POC1A: variants seen among roughly 807,000 people sequenced by gnomAD.
POC1A encodes the protein POC1 centriolar protein homolog A.
POC1A carries 34 observed loss-of-function variants against 47.8 expected under a neutral mutation model. The observed-to-expected ratio is 0.71, with a 90% CI of 0.54 to 0.95. The LOEUF is 0.95. POC1A is among the 40% of genes least tolerant of loss of function. The probability of loss-of-function intolerance (pLI) is 0.00; values close to 1 mark genes in which losing one functional copy is unlikely to be tolerated. For missense variants in POC1A, 466 were observed against 528.3 expected, an observed-to-expected ratio of 0.88 and a Z score of 1.16; for synonymous variants, 177 against 207.6, an observed-to-expected ratio of 0.85 and a Z score of 1.27.
At chr3:52,136,605 G>T (rs1392117841) in intron 7 of POC1A, among the ~76,000 whole-genome samples, 2 of 152,186 alleles carry the variant, frequency 1.3e-5, no homozygotes, top group African/African-American at 4.8e-5. Context: ...GGCATTGTGA[G>T]CCTGGTGCCC....
rs940696734 is a variant in POC1A, at chr3:52,079,353, C to A, written c.1126-3368G>T. ...TGCTCCGTCCAGCCCGGGAATTATC[C>A]TGCTACCAGCGCCTGTCCTCACCAG... On this transcript the variant is annotated intron_variant, in intron 10 of 10. Transcript: ENST00000296484. This position sits in a 1 kb window ranked among gnomAD's most constrained non-coding sequence, Gnocchi z 4.6. 5.9e-5 allele frequency among the ~76,000 whole-genome samples: 9 copies of A among 152,238 alleles called. No homozygotes were observed. The highest frequency in any genetic ancestry group is 1.3e-4 in the Non-Finnish European group (9 of 68,042).
chr3:52,102,053 T>C (rs1326279395), intron 9 of POC1A, among the ~76,000 whole-genome samples: 2 of 152,238 alleles, frequency 1.3e-5, no homozygotes, highest in Non-Finnish European at 2.9e-5. Context: ...GATTTCTTTC[T>C]TAATCCTTGG....
chr3:52,104,570 C>T (rs1477046747), intron 9 of POC1A, among the ~76,000 whole-genome samples: 3 of 152,244 alleles, frequency 2.0e-5, no homozygotes, highest in Non-Finnish European at 4.4e-5. Context: ...TTGACACCGT[C>T]CATCACTGCC....
chr3:52,154,095 G>A (rs560160780), intron 1 of POC1A, among the ~76,000 whole-genome samples: 54 of 152,394 alleles, frequency 3.5e-4, no homozygotes, highest in Middle Eastern at 3.4e-3. Flanking sequence ...TTGGTCGTGT[G>A]TCCCTCGCTA....
At chr3:52,094,345 C>A (rs1702737322) in intron 10 of POC1A, among the ~76,000 whole-genome samples, 1 of 152,206 alleles carries the variant, frequency 6.6e-6, no homozygotes, top group Non-Finnish European at 1.5e-5. Flanking sequence ...CACTAAGCTT[C>A]AGGGGAGGGC....
chr3:52,141,954 C>G (rs1698207874), intron 6 of POC1A, among the ~76,000 whole-genome samples: 1 of 152,218 alleles, frequency 6.6e-6, no homozygotes, highest in African/African-American at 2.4e-5. Context: ...GCCCTGCTGA[C>G]AGCCAGCCAA....
chr3:52,142,427 G>T (rs1048765265), intron 6 of POC1A, among the ~76,000 whole-genome samples: 1 of 152,194 alleles, frequency 6.6e-6, no homozygotes, highest in African/African-American at 2.4e-5. Flanking sequence ...GTCAGCCAGC[G>T]CAAGACAAAT....
At chr3:52,150,712 C>G (rs1698528316) in intron 2 of POC1A, among the ~76,000 whole-genome samples, 1 of 152,136 alleles carries the variant, frequency 6.6e-6, no homozygotes, top group Non-Finnish European at 1.5e-5. Context: ...TTAGGGCCCA[C>G]ACCAAAAGAC....
chr3:52,075,861 C>A lies in POC1A; in HGVS notation c.*26G>T, dbSNP rs779481860. On this transcript the variant is annotated 3_prime_UTR_variant, in exon 11 of 11. Transcript: ENST00000296484. Reference sequence around the variant, plus strand: ...CCTGGCCTGCCACCTGCAAATCCACCGAGCTCCTGATTCCTGCTCCCCTGA... The same window carrying A: ...CCTGGCCTGCCACCTGCAAATCCACAGAGCTCCTGATTCCTGCTCCCCTGA... The A allele has an allele frequency of 1.9e-6, 3 of 1,561,748 alleles. No individual in the cohort carries two copies. In the Admixed American group the frequency reaches 5.0e-5, roughly 26 times the overall value.
intron 9 of POC1A, among the ~76,000 whole-genome samples, chr3:52,103,174 A>ATACCT (rs1388142214): frequency 6.6e-6 from 1 of 152,286 alleles, no homozygotes; most frequent in Non-Finnish European, 1.5e-5. Flanking sequence ...ACTTCGGTAC[A>ATACCT]TACCTTGCAC....
At chr3:52,114,984 C>A (rs1441875735) in intron 9 of POC1A, among the ~76,000 whole-genome samples, 2 of 152,188 alleles carry the variant, frequency 1.3e-5, no homozygotes, top group Non-Finnish European at 2.9e-5. Context: ...CATTAACAGG[C>A]ACATCTTGAC....
rs756441431 is a variant in POC1A, at chr3:52,138,250, C to T, written c.732G>A (p.Leu244=). ...GGGTTGAGTCACTGGAGGCTGTGAT[C>T]AGGTAGTTTCCCGACGGGTGGAAAG... ...GLSFHPSGNY[L]ITASSDSTLK... The change falls in exon 7 of 11, where the codon CTG becomes CTA. Residue 244 remains leucine, a synonymous_variant. Coordinates refer to ENST00000296484, the MANE Select transcript of POC1A (RefSeq NM_015426.5). 3 of 1,614,036 alleles carry T rather than the reference C, an allele frequency of 1.9e-6. No homozygotes were observed. The highest frequency in any genetic ancestry group is 2.2e-5 in the South Asian group (2 of 91,084).
chr3:52,121,367 C>T (rs912425265), intron 9 of POC1A, among the ~76,000 whole-genome samples: 1 of 152,242 alleles, frequency 6.6e-6, no homozygotes, highest in African/African-American at 2.4e-5. Flanking sequence ...AAGCTGAAAA[C>T]TGGCCACAGA....
At position 52,145,940 on chromosome 3, in the gene POC1A, G is replaced by A; in HGVS notation, c.585C>T (p.Phe195=). Reference sequence around the variant, plus strand: ...CGGCAATGCACGTCCCACTGGGGTGGAAGTCCACATAGGTGACAAAGCTGG... The same window carrying A: ...CGGCAATGCACGTCCCACTGGGGTGAAAGTCCACATAGGTGACAAAGCTGG... ...EHGGFVTYVD[F]HPSGTCIAAA... is the part of the protein sequence containing the mutation. Residue 195 remains phenylalanine, a synonymous_variant, in exon 6 of 11, where the codon TTC becomes TTT. Coordinates refer to ENST00000296484, the MANE Select transcript of POC1A (RefSeq NM_015426.5). 1 of 1,613,032 alleles carries A rather than the reference G, an allele frequency of 6.2e-7. No homozygotes were observed. Among genetic ancestry groups the A allele is most frequent in the Non-Finnish European group, 8.5e-7 (1 of 1,179,146 alleles).
chr3:52,080,218 T>A (rs1176017779), intron 10 of POC1A, among the ~76,000 whole-genome samples: 2 of 152,188 alleles, frequency 1.3e-5, no homozygotes, highest in Non-Finnish European at 2.9e-5. Context: ...TGAGCCTAGG[T>A]GGCCTGGCTG....
rs1577780511 is a variant in POC1A at position 52,075,776 on chromosome 3, T to A, written c.*111A>T. Reference sequence around the variant, plus strand: ...ACTGCAAAAATCCAGGGCTCCAGTATGGATGTGATTCCCACAGAGTTCAGT... The same window carrying A: ...ACTGCAAAAATCCAGGGCTCCAGTAAGGATGTGATTCCCACAGAGTTCAGT... On this transcript the variant is annotated 3_prime_UTR_variant, in exon 11 of 11. Transcript: ENST00000296484. 1.2e-6 allele frequency: 1 copy of A among 823,300 alleles called. No homozygotes were observed. Among genetic ancestry groups the A allele is most frequent in the Admixed American group, 1.7e-5 (1 of 57,466 alleles). The allele number at this position is 823,300 out of a possible 1,614,324, so 51.0% of individuals were successfully genotyped here.
chr3:52,083,091 G>A (rs1702352505), intron 10 of POC1A, among the ~76,000 whole-genome samples: 1 of 152,146 alleles, frequency 6.6e-6, no homozygotes, highest in Non-Finnish European at 1.5e-5. Flanking sequence ...CCTCTGGGGT[G>A]GCTGGGGGGA....
intron 9 of POC1A, among the ~76,000 whole-genome samples, chr3:52,111,331 G>A (rs990284883): frequency 4.6e-5 from 7 of 152,144 alleles, no homozygotes; most frequent in African/African-American, 1.7e-4. Flanking sequence ...CTCTGCTCTT[G>A]CTACCTGGAG....
intron 9 of POC1A, among the ~76,000 whole-genome samples, chr3:52,104,303 T>C (rs947671108): frequency 1.3e-5 from 2 of 152,156 alleles, no homozygotes; most frequent in African/African-American, 4.8e-5. Flanking sequence ...AGATTAATGA[T>C]TGTCTGGGGC....
Sources: allele counts gnomAD v4.1 joint callset (sites outside exome capture counted in the v4.1 genomes callset), GRCh38; gene constraint gnomAD v4.1.1; non-coding constraint Gnocchi (gnomAD v3.1); transcripts MANE v1.5; gene names NCBI Gene and HGNC (gene_info 2026-07-23, HGNC 2026-07-21).